PCM1: variants seen among roughly 807,000 people sequenced by gnomAD.
The protein encoded by PCM1 is pericentriolar material 1, also known as pericentriolar material 1 protein.
A neutral mutation model predicts 241.9 loss-of-function variants in PCM1; 157 were observed. The ratio of observed to expected loss-of-function variants is 0.65; its 90% confidence interval spans 0.57 to 0.74. The LOEUF (loss-of-function observed/expected upper bound fraction) is 0.74. Ranked by LOEUF, PCM1 falls within the 30% of genes least tolerant of loss-of-function variation. The pLI is 0.00. For missense variants in PCM1, 3,478 were observed against 2,360.1 expected, an observed-to-expected ratio of 1.47 and a Z score of -9.81; for synonymous variants, 1,085 against 784.9, an observed-to-expected ratio of 1.38 and a Z score of -6.39.
chr8:17,954,427 C>CA (rs57686395), intron 9 of PCM1, among the ~76,000 whole-genome samples: 25,491 of 108,504 alleles, frequency 0.23, 2,387 homozygotes, highest in East Asian at 0.42. Flanking sequence ...AACTCCATCT[C>CA]AAAAAAAAAA....
rs445422 is a variant in PCM1 at position 17,935,584 on chromosome 8, C to G, written c.-22-5C>G. ...ATAAAGCTCAGTTCTTAACTTGTTT[C>G]GCAGAGAGTTAATTGTTAAATCCAG... is the stretch of plus-strand genomic sequence containing the variant. On this transcript the variant is annotated splice_region_variant and splice_polypyrimidine_tract_variant and intron_variant, in intron 2 of 38. Transcript: ENST00000325083. 36 of 980,278 alleles carry G rather than the reference C, an allele frequency of 3.7e-5. No homozygotes were observed. In the African/African-American group the frequency reaches 4.0e-4, roughly 11 times the overall value. The allele number at this position is 980,278 out of a possible 1,614,324, so 60.7% of individuals were successfully genotyped here.
chr8:17,945,564 A>G (rs1053604706), intron 6 of PCM1, among the ~76,000 whole-genome samples: 2 of 152,116 alleles, frequency 1.3e-5, no homozygotes, highest in East Asian at 3.9e-4. Flanking sequence ...CCATGTACTT[A>G]TTTGTTTACT....
rs1323052189 is a variant in PCM1 at position 17,960,080 on chromosome 8, G to A, written c.2107G>A (p.Glu703Lys). 5.6e-6 allele frequency: 9 copies of A among 1,611,018 alleles called. No homozygotes were observed. The change falls in exon 14 of 39, where the codon GAA becomes AAA. Residue 703 changes from glutamate (E) to lysine (K), a missense_variant. Coordinates refer to ENST00000325083, the MANE Select transcript of PCM1 (RefSeq NM_006197.4). ...ASNLDDFYPAEEDTKQNSNNT... is the reference protein window; with the variant it reads ...ASNLDDFYPAKEDTKQNSNNT... ...AAATTTGGATGATTTCTACCCAGCA[G>A]AAGAAGACACCAAGCAAAATTCAAA...
At chr8:18,006,423 A>T in intron 30 of PCM1, 26 bp downstream of exon 30, 1 of 1,539,172 alleles carries the variant, frequency 6.5e-7, no homozygotes, top group Non-Finnish European at 9.0e-7. Flanking sequence ...TGTATGATTT[A>T]CCAATATGTA....
chr8:18,022,948 C>T (rs939448488), intron 36 of PCM1, among the ~76,000 whole-genome samples: 1 of 152,112 alleles, frequency 6.6e-6, no homozygotes, highest in African/African-American at 2.4e-5. Flanking sequence ...ACAAGTCATC[C>T]TTATTTGGCG....
At position 17,923,120 on chromosome 8, in the gene PCM1, C is replaced by G. The variant is rs913187527; in HGVS notation, c.-159C>G. 2 of 152,588 alleles carry G rather than the reference C, an allele frequency of 1.3e-5. No individual in the cohort carries two copies. The highest frequency in any genetic ancestry group is 2.4e-5 in the African/African-American group (1 of 41,468). 9.5% of individuals were successfully genotyped at this position (152,588 alleles called of 1,614,324 possible). A position where few individuals can be genotyped will look rare whatever the true frequency, so the allele number is the denominator to read the frequency against. ...TGCTGCGGTCTCCGAGGGCCGACCG[C>G]TGCCGGCGGCGGGTCGTGGGGGCTG... On this transcript the variant is annotated 5_prime_UTR_variant, in exon 1 of 39. Transcript: ENST00000325083.
At chr8:17,927,841 G>A (rs1476152178) in intron 2 of PCM1, 12 of 137,376 alleles carry the variant, frequency 8.7e-5, no homozygotes, top group African/African-American at 3.3e-4. Flanking sequence ...GAGCCACCGC[G>A]CCCAGCCTAA....
At chr8:18,001,938 C>G (rs1208533933) in intron 29 of PCM1, among the ~76,000 whole-genome samples, 1 of 143,314 alleles carries the variant, frequency 7.0e-6, no homozygotes, top group Non-Finnish European at 1.5e-5. Flanking sequence ...TTGTTCTGGG[C>G]AATTGCAACA....
chr8:17,993,477 A>C lies in PCM1; in HGVS notation c.4691-6A>C. On this transcript the variant is annotated splice_polypyrimidine_tract_variant and splice_region_variant and intron_variant, in intron 28 of 38. Coordinates refer to ENST00000325083, the MANE Select transcript of PCM1 (RefSeq NM_006197.4). The stretch of plus-strand genomic sequence containing the variant: ...TAGGCTAATGTATTTTCTTTTTAAA[A>C]ATTAGAAACTCCCGTTATTGAAAAT... 1 of 1,545,074 alleles carries C rather than the reference A, an allele frequency of 6.5e-7. No homozygotes were observed. Among genetic ancestry groups the C allele is most frequent in the African/African-American group, 1.4e-5 (1 of 72,478 alleles).
In PCM1 at chr8:17,991,768, T is replaced by G. The variant is rs1326310870; in HGVS notation, c.4690+68T>G. 2.6e-6 allele frequency: 3 copies of G among 1,163,384 alleles called. No homozygotes were observed. The East Asian group carries it at 7.7e-5, about 30-fold the overall frequency. The allele number at this position is 1,163,384 out of a possible 1,614,324, so 72.1% of individuals were successfully genotyped here. A position where few individuals can be genotyped will look rare whatever the true frequency, so the allele number is the denominator to read the frequency against. On this transcript the variant is annotated intron_variant, in intron 28 of 38. Transcript: ENST00000325083. ...TGTTTGGTTACATGAATAAGTTCTTTAGTGGTGATTTCTGAGATTTTGGTG... is the reference window on the plus strand; with the variant it reads ...TGTTTGGTTACATGAATAAGTTCTTGAGTGGTGATTTCTGAGATTTTGGTG...
intron 21 of PCM1, among the ~76,000 whole-genome samples, chr8:17,969,054 A>G (rs971870288): frequency 6.6e-6 from 1 of 152,052 alleles, no homozygotes; most frequent in African/African-American, 2.4e-5. Context: ...GCCTCTTGCA[A>G]ATAGCTCTGA....
chr8:17,959,833 C>G (rs1255956778), intron 13 of PCM1, among the ~76,000 whole-genome samples, 181 bp from the exon 14 acceptor site: 1 of 152,032 alleles, frequency 6.6e-6, no homozygotes, highest in Non-Finnish European at 1.5e-5. Context: ...AACATGTATG[C>G]AAATACAAAC....
intron 17 of PCM1, among the ~76,000 whole-genome samples, chr8:17,964,279 C>T (rs2073919317): frequency 1.3e-5 from 2 of 152,178 alleles, no homozygotes; most frequent in South Asian, 2.1e-4. Flanking sequence ...ATCTTGAAAA[C>T]TCCCTCAAGC....
Position 18,029,704 on chromosome 8 carries a change from A to G in PCM1, c.*2042A>G, listed in dbSNP as rs983721884. 5.1e-6 allele frequency: 1 copy of G among 197,052 alleles called. No individual in the cohort carries two copies. The highest frequency in any genetic ancestry group is 8.0e-5 in the East Asian group (1 of 12,512). 12.2% of individuals were successfully genotyped at this position (197,052 alleles called of 1,614,324 possible). On this transcript the variant is annotated 3_prime_UTR_variant, in exon 39 of 39. Transcript: ENST00000325083. ...TATATTTATTTAATCTGTTTTCTCT[A>G]GTAACTATTGCTGAAGGGTTAGGCA...
chr8:18,013,590 A>C (rs1486255162), intron 34 of PCM1, among the ~76,000 whole-genome samples: 1 of 152,116 alleles, frequency 6.6e-6, no homozygotes, highest in African/African-American at 2.4e-5. Context: ...TTATGAGGTG[A>C]ATCTCAGTTT....
chr8:17,955,294 C>G (rs977515858), intron 9 of PCM1, among the ~76,000 whole-genome samples, 176 bp from the exon 10 acceptor site: 1 of 152,042 alleles, frequency 6.6e-6, no homozygotes, highest in South Asian at 2.1e-4. Flanking sequence ...AGTCTTTGTA[C>G]ATTTTGATGT....
intron 10 of PCM1, chr8:17,955,887 A>G: frequency 1.9e-6 from 1 of 523,206 alleles, no homozygotes; most frequent in Non-Finnish European, 3.4e-6. Flanking sequence ...TTTTCAAATA[A>G]AGGATCAAAA....
chr8:17,956,390 T>C (rs2068502005), intron 10 of PCM1, among the ~76,000 whole-genome samples: 1 of 152,160 alleles, frequency 6.6e-6, no homozygotes, highest in East Asian at 1.9e-4. Context: ...CTTTTGTCCC[T>C]AAAACAGCAT....
At position 17,955,476 on chromosome 8, in the gene PCM1, C is replaced by T. The variant is rs549618398; in HGVS notation, c.1295C>T (p.Pro432Leu). ...DQHLNNSSSS[P>L]QRSVDQRSTS... ...GTTGTTGTGCCTTCTTCAGCCTCTCCACAAAGGAGTGTCGATCAGAGAAGT... is the reference window on the plus strand; with the variant it reads ...GTTGTTGTGCCTTCTTCAGCCTCTCTACAAAGGAGTGTCGATCAGAGAAGT... The change falls in exon 10 of 39, where the codon CCA becomes CTA. Residue 432 changes from proline (P) to leucine (L), a missense_variant. By Grantham distance (98) the Pro-to-Leu change is moderately conservative. Coordinates refer to ENST00000325083, the MANE Select transcript of PCM1 (RefSeq NM_006197.4). 6.2e-7 allele frequency: 1 copy of T among 1,601,982 alleles called. No individual in the cohort carries two copies. Among genetic ancestry groups the T allele is most frequent in the South Asian group, 1.1e-5 (1 of 88,470 alleles).
Sources: allele counts gnomAD v4.1 joint callset (sites outside exome capture counted in the v4.1 genomes callset), GRCh38; gene constraint gnomAD v4.1.1; transcripts MANE v1.5; gene names NCBI Gene and HGNC (gene_info 2026-07-23, HGNC 2026-07-21).